The following ATG10 variants were observed in gnomAD, a reference collection of about 807,000 sequenced individuals.
The protein encoded by ATG10 is autophagy related 10.
ATG10 carries 30 observed loss-of-function variants against 32.1 expected under a neutral mutation model. The ratio of observed to expected loss-of-function variants is 0.94; its 90% CI spans 0.70 to 1.27. The LOEUF (loss-of-function observed/expected upper bound fraction) is 1.27, where lower values mean the gene tolerates loss of function less well. ATG10 is among the 50% of genes most tolerant of loss of function. ATG10 has a pLI of 0.00. For missense variants in ATG10, 233 were observed against 262.3 expected, an observed-to-expected ratio of 0.89 and a Z score of 0.77; for synonymous variants, 87 against 91.5, an observed-to-expected ratio of 0.95 and a Z score of 0.28.
intron 5 of ATG10, among the ~76,000 whole-genome samples, chr5:82,248,694 C>T (rs893670085): frequency 1.3e-5 from 2 of 151,986 alleles, no homozygotes; most frequent in Non-Finnish European, 2.9e-5. Flanking sequence ...GCTGGAAGTC[C>T]ACTTCTGTTG....
intron 1 of ATG10, chr5:81,972,623 A>T (rs1760756214): frequency 6.6e-6 from 1 of 152,208 alleles, no homozygotes; most frequent in Non-Finnish European, 1.5e-5. Context: ...TTTAAAATCC[A>T]CATACTGATA....
chr5:82,104,494 G>A (rs972512042), intron 3 of ATG10, among the ~76,000 whole-genome samples: 1 of 151,624 alleles, frequency 6.6e-6, no homozygotes, highest in Non-Finnish European at 1.5e-5. Flanking sequence ...ATAAAAAATT[G>A]ATACAACTAA....
intron 1 of ATG10, among the ~76,000 whole-genome samples, chr5:81,985,320 A>G (rs1184285424): frequency 1.3e-5 from 2 of 152,208 alleles, no homozygotes; most frequent in Non-Finnish European, 2.9e-5. Flanking sequence ...TCCTCTGGCT[A>G]CACCATATTA....
At chr5:82,033,523 C>T (rs532539528) in intron 2 of ATG10, among the ~76,000 whole-genome samples, 6 of 152,090 alleles carry the variant, frequency 3.9e-5, no homozygotes, top group Middle Eastern at 3.4e-3. Flanking sequence ...CTTCTTGAAG[C>T]ACCCTTCGCT....
At chr5:82,214,860 A>T (rs1304097095) in intron 5 of ATG10, among the ~76,000 whole-genome samples, 1 of 152,168 alleles carries the variant, frequency 6.6e-6, no homozygotes, top group Non-Finnish European at 1.5e-5. Flanking sequence ...GAGGACAGGG[A>T]TCATGTGTGT....
At chr5:81,995,783 T>C (rs888181825) in intron 2 of ATG10, among the ~76,000 whole-genome samples, 3 of 152,322 alleles carry the variant, frequency 2.0e-5, no homozygotes, top group Admixed American at 6.5e-5. Flanking sequence ...ATGTCCTAAA[T>C]TGGCAAAGAT....
chr5:82,054,068 A>G (rs1021340945), intron 2 of ATG10, among the ~76,000 whole-genome samples: 2 of 152,164 alleles, frequency 1.3e-5, no homozygotes, highest in African/African-American at 4.8e-5. Flanking sequence ...GACTCTGTTC[A>G]TTGAGTTCAA....
chr5:82,148,197 A>G (rs746695595), intron 3 of ATG10: 2 of 152,158 alleles, frequency 1.3e-5, no homozygotes, highest in Non-Finnish European at 2.9e-5. Flanking sequence ...TATACCTAGA[A>G]AGACTAAATA....
intron 3 of ATG10, among the ~76,000 whole-genome samples, chr5:82,137,530 T>A (rs147540696): frequency 7.1e-4 from 108 of 152,314 alleles, no homozygotes; most frequent in African/African-American, 1.8e-3. Context: ...GTTTTCCTGG[T>A]TATCACCAGC....
At chr5:82,160,163 G>A (rs1406509668) in intron 3 of ATG10, among the ~76,000 whole-genome samples, 1 of 152,120 alleles carries the variant, frequency 6.6e-6, no homozygotes, top group Non-Finnish European at 1.5e-5. Context: ...GATATCTCAT[G>A]TTGCCGTTTT....
rs1234441601 is a variant in ATG10 at position 82,225,486 on chromosome 5, G to GT, written c.454-27075dup. On this transcript the variant is annotated intron_variant, in intron 5 of 7. Coordinates refer to ENST00000282185, the MANE Select transcript of ATG10 (RefSeq NM_031482.5). Reference sequence around the variant, plus strand: ...AGGAAAGGAGATGCTCTCTGGAAAGGTAAAAGCATTTTGCTTTCCAAGCAG... The same window carrying GT: ...AGGAAAGGAGATGCTCTCTGGAAAGGTTAAAAGCATTTTGCTTTCCAAGCAG... Among the ~76,000 whole-genome samples, 13 of 152,340 alleles carry GT rather than the reference G, an allele frequency of 8.5e-5. No homozygotes were observed. In the East Asian group the frequency reaches 2.5e-3, roughly 29 times the overall value.
At chr5:82,193,253 A>G (rs1744727087) in intron 5 of ATG10, among the ~76,000 whole-genome samples, 1 of 152,202 alleles carries the variant, frequency 6.6e-6, no homozygotes, top group Non-Finnish European at 1.5e-5. Context: ...CTAGAATTGG[A>G]TAGTGTCAGT....
chr5:82,017,155 C>CTT (rs546239476), intron 2 of ATG10, among the ~76,000 whole-genome samples: 1,622 of 141,280 alleles, frequency 0.011, 35 homozygotes, highest in African/African-American at 0.039. Flanking sequence ...TATTTTATCT[C>CTT]TTTTTTTTTT....
intron 3 of ATG10, among the ~76,000 whole-genome samples, chr5:82,060,047 G>T (rs1451505773): frequency 6.6e-6 from 1 of 152,080 alleles, no homozygotes; most frequent in Non-Finnish European, 1.5e-5. Flanking sequence ...ACTAAAAAGT[G>T]GTGTTGACAG....
At chr5:82,164,367 C>A in intron 3 of ATG10, 32 bp from the exon 4 acceptor site, 4 of 1,607,436 alleles carry the variant, frequency 2.5e-6, no homozygotes, top group Non-Finnish European at 2.6e-6. Flanking sequence ...TATTAAGAAA[C>A]CCGTTTTCGT....
At chr5:82,160,091 CAT>C (rs1247599343) in intron 3 of ATG10, among the ~76,000 whole-genome samples, 2 of 152,088 alleles carry the variant, frequency 1.3e-5, no homozygotes, top group African/African-American at 2.4e-5. Flanking sequence ...AGTTTTATCA[CAT>C]GTGTAGGCTT....
chr5:81,980,669 G>T (rs1322739989), intron 1 of ATG10, among the ~76,000 whole-genome samples: 2 of 151,418 alleles, frequency 1.3e-5, no homozygotes, highest in African/African-American at 4.9e-5. Flanking sequence ...TAGTTTTTTG[G>T]GGTGTTAGTG....
chr5:82,154,627 A>C (rs543496721), intron 3 of ATG10, among the ~76,000 whole-genome samples: 2 of 152,116 alleles, frequency 1.3e-5, no homozygotes, highest in African/African-American at 4.8e-5. Context: ...TCTGAAGTCT[A>C]TGTGTTTTTA....
chr5:81,989,534 CTG>C (rs1761392570), intron 2 of ATG10, among the ~76,000 whole-genome samples: 1 of 152,090 alleles, frequency 6.6e-6, no homozygotes, highest in Admixed American at 6.5e-5. Context: ...GATGATGTGA[CTG>C]TGCTAGCAAC....
Sources: allele counts gnomAD v4.1 joint callset (sites outside exome capture counted in the v4.1 genomes callset), GRCh38; gene constraint gnomAD v4.1.1; transcripts MANE v1.5; gene names NCBI Gene and HGNC (gene_info 2026-07-23, HGNC 2026-07-21).